SHC3: variants seen among roughly 807,000 people sequenced by gnomAD.
The protein encoded by SHC3 is SHC adaptor protein 3, also known as SHC-transforming protein 3.
A neutral mutation model predicts 60.4 loss-of-function variants in SHC3; 15 were observed. The ratio of observed to expected loss-of-function variants is 0.25; its 90% CI spans 0.17 to 0.38. The LOEUF (loss-of-function observed/expected upper bound fraction) is 0.38, where lower values mean the gene tolerates loss of function less well. SHC3 is among the 10% of genes least tolerant of loss of function. The probability of loss-of-function intolerance (pLI) is 1.00; values close to 1 mark genes in which losing one functional copy is unlikely to be tolerated. For missense variants in SHC3, 677 were observed against 786.1 expected (o/e 0.86, Z 1.66); for synonymous variants, 294 against 325.9 (o/e 0.90, Z 1.05).
chr9:89,142,447 C>T (rs551228688), intron 1 of SHC3, among the ~76,000 whole-genome samples: 2 of 150,304 alleles, frequency 1.3e-5, no homozygotes, highest in East Asian at 3.9e-4. Flanking sequence ...TGTAATCCCA[C>T]AAGGCAGGTG....
chr9:89,070,893 G>A (rs1564118876), intron 5 of SHC3, among the ~76,000 whole-genome samples: 1 of 152,236 alleles, frequency 6.6e-6, no homozygotes, highest in African/African-American at 2.4e-5. Flanking sequence ...GTGACAGCGT[G>A]AGAAGCCTGT....
intron 2 of SHC3, 33 bp from the exon 3 acceptor site, chr9:89,077,936 G>C (rs761889567): frequency 1.2e-5 from 20 of 1,612,542 alleles, no homozygotes; most frequent in South Asian, 1.1e-4. Context: ...ATTTTATTAC[G>C]TGTCAGTCGG....
At position 89,031,384 on chromosome 9, in the gene SHC3, C is replaced by T. The variant is rs1018016839; in HGVS notation, c.1656+6609G>A. Among the ~76,000 whole-genome samples, 4 of 152,140 alleles carry T rather than the reference C, an allele frequency of 2.6e-5. No homozygotes were observed. The East Asian group carries it at 7.7e-4, about 29-fold the overall frequency. On this transcript the variant is annotated intron_variant, in intron 11 of 11. Transcript: ENST00000375835. Reference sequence around the variant, plus strand: ...AAATGCCATACCTTTCAGCTATCACCTCCCTGTCCTCCCATCCCTTTCTCT... The same window carrying T: ...AAATGCCATACCTTTCAGCTATCACTTCCCTGTCCTCCCATCCCTTTCTCT...
rs761655597 is a variant in SHC3, at chr9:89,143,267, T to C, written c.475-30641A>G. ...TGATGTTGCCATGGCATTTGTAAACTGTCATGGCACTGGTGGGAGTGTAGC... is the reference window on the plus strand; with the variant it reads ...TGATGTTGCCATGGCATTTGTAAACCGTCATGGCACTGGTGGGAGTGTAGC... On this transcript the variant is annotated intron_variant, in intron 1 of 11. Coordinates refer to ENST00000375835, the MANE Select transcript of SHC3 (RefSeq NM_016848.6). 1.4e-4 allele frequency among the ~76,000 whole-genome samples: 22 copies of C among 152,164 alleles called. 1 individual carries two copies. Among genetic ancestry groups the C allele is most frequent in the Non-Finnish European group, 3.2e-4 (22 of 68,040 alleles).
intron 2 of SHC3, among the ~76,000 whole-genome samples, chr9:89,082,482 C>A (rs1272463887): frequency 6.6e-6 from 1 of 152,192 alleles, no homozygotes; most frequent in Non-Finnish European, 1.5e-5. Context: ...GTCCATGGGG[C>A]CACCTAGGCC....
At chr9:89,059,081 G>A (rs1219180498) in intron 6 of SHC3, among the ~76,000 whole-genome samples, 2 of 143,260 alleles carry the variant, frequency 1.4e-5, no homozygotes, top group Non-Finnish European at 1.5e-5. Context: ...GGTAAAGGAC[G>A]TGATGGAGGA....
rs1017170715 is a variant in SHC3 at position 89,009,271 on chromosome 9, G to A, written c.*4176C>T. ...TGGCACTATGTCCAGGAGTGGGTTT[G>A]TCCTCTTCATCTTTCTTAGAGCCAG... On this transcript the variant is annotated 3_prime_UTR_variant, in exon 12 of 12. Transcript: ENST00000375835. The A allele has an allele frequency of 6.6e-6, 1 of 152,238 alleles. No homozygotes were observed. Among genetic ancestry groups the A allele is most frequent in the Non-Finnish European group, 1.5e-5 (1 of 68,100 alleles). The allele number at this position is 152,238 out of a possible 1,614,324, so 9.4% of individuals were successfully genotyped here.
intron 6 of SHC3, among the ~76,000 whole-genome samples, chr9:89,061,392 C>T (rs1825087379): frequency 6.6e-6 from 1 of 152,204 alleles, no homozygotes; most frequent in Non-Finnish European, 1.5e-5. Flanking sequence ...ACAGAAACTC[C>T]TTTTGTTGAA....
chr9:89,126,552 G>A (rs75594099), intron 1 of SHC3, among the ~76,000 whole-genome samples: 3,482 of 152,306 alleles, frequency 0.023, 58 homozygotes, highest in Non-Finnish European at 0.038. Flanking sequence ...TGCTGGAAAA[G>A]ATCTCTTCGC....
intron 11 of SHC3, among the ~76,000 whole-genome samples, chr9:89,015,736 T>C (rs1564074298): frequency 6.6e-6 from 1 of 152,152 alleles, no homozygotes; most frequent in Non-Finnish European, 1.5e-5. Flanking sequence ...AGGACAAACT[T>C]AGACTCCAGA....
At chr9:89,036,562 C>T in intron 11 of SHC3, among the ~76,000 whole-genome samples, 1 of 152,162 alleles carries the variant, frequency 6.6e-6, no homozygotes. Context: ...AGTCATCCTT[C>T]TCAAGAGAGC....
intron 2 of SHC3, chr9:89,109,898 T>A: frequency 1.0e-6 from 1 of 985,472 alleles, no homozygotes; most frequent in Non-Finnish European, 1.2e-6. Context: ...AAGTATGCAA[T>A]TTCATAGCAT....
intron 1 of SHC3, among the ~76,000 whole-genome samples, chr9:89,113,476 C>A (rs539158998): frequency 2.0e-5 from 3 of 151,802 alleles, no homozygotes; most frequent in Non-Finnish European, 4.4e-5. Context: ...GGCGACAGAG[C>A]GAGACTCCAT....
At chr9:89,176,759 T>C (rs192281828) in intron 1 of SHC3, among the ~76,000 whole-genome samples, 2 of 152,370 alleles carry the variant, frequency 1.3e-5, no homozygotes, top group East Asian at 1.9e-4. Flanking sequence ...AAAAGCAGAC[T>C]GAAAAGGTGA....
At chr9:89,083,932 A>G (rs558994959) in intron 2 of SHC3, among the ~76,000 whole-genome samples, 18 of 152,308 alleles carry the variant, frequency 1.2e-4, no homozygotes, top group African/African-American at 3.4e-4. Context: ...AGGGACACAG[A>G]ACCAATGGCT....
intron 7 of SHC3, among the ~76,000 whole-genome samples, chr9:89,049,334 A>AT (rs1824825744): frequency 6.6e-6 from 1 of 152,074 alleles, no homozygotes. Context: ...TGGAGGCGAC[A>AT]TTTTTCTCAG....
Position 89,162,168 on chromosome 9 carries a change from C to G in SHC3, c.474+15819G>C, listed in dbSNP as rs796094861. On this transcript the variant is annotated intron_variant, in intron 1 of 11. Transcript: ENST00000375835. ...ATATCGTGAAAATGGCCATACTGCC[C>G]AAGGTAATTTACAGATTCAATGCCA... 5.5e-5 allele frequency among the ~76,000 whole-genome samples: 8 copies of G among 145,472 alleles called. No individual in the cohort carries two copies. The South Asian group carries it at 1.3e-3, about 24-fold the overall frequency.
intron 1 of SHC3, among the ~76,000 whole-genome samples, chr9:89,147,394 C>T (rs991229556): frequency 6.6e-6 from 1 of 152,136 alleles, no homozygotes. Flanking sequence ...CTTGTGCCAA[C>T]TCCCCACCCA....
At position 89,013,288 on chromosome 9, in the gene SHC3, C is replaced by T; in HGVS notation, c.*159G>A. ...AATATGCATATGAGAAATTCAGAAC[C>T]AAGTTTATGAAACTTGACCTTAAAG... On this transcript the variant is annotated 3_prime_UTR_variant, in exon 12 of 12. Transcript: ENST00000375835. 1 of 843,586 alleles carries T rather than the reference C, an allele frequency of 1.2e-6. No homozygotes were observed. The highest frequency in any genetic ancestry group is 1.7e-6 in the Non-Finnish European group (1 of 604,454). The allele number at this position is 843,586 out of a possible 1,614,324, so 52.3% of individuals were successfully genotyped here.
Sources: allele counts gnomAD v4.1 joint callset (sites outside exome capture counted in the v4.1 genomes callset), GRCh38; gene constraint gnomAD v4.1.1; transcripts MANE v1.5; gene names NCBI Gene and HGNC (gene_info 2026-07-23, HGNC 2026-07-21).